The following OXCT1 variants were observed in gnomAD, a reference collection of about 807,000 sequenced individuals.
OXCT1 encodes 3-oxoacid CoA-transferase 1.
OXCT1 carries 27 observed loss-of-function variants against 69.6 expected under a neutral mutation model. The observed-to-expected ratio is 0.39, with a 90% CI of 0.29 to 0.54. OXCT1 has a LOEUF of 0.54. OXCT1 is among the 20% of genes least tolerant of loss of function. The pLI is 0.72. For missense variants in OXCT1, 437 were observed against 650.2 expected (o/e 0.67, Z 3.57); for synonymous variants, 202 against 217.8 (o/e 0.93, Z 0.64).
chr5:41,870,241 T>G lies in OXCT1; in HGVS notation c.78+40A>C. On this transcript the variant is annotated intron_variant, in intron 1 of 16. Transcript: ENST00000196371. The surrounding 1 kb of genome is among the most constrained non-coding windows in gnomAD (Gnocchi z 4.2). Reference sequence around the variant, plus strand: ...GGCACCACTCAGGGTTTGGTCCACGTTCTTCCTGCCCATGGCCTTCCTCTT... The same window carrying G: ...GGCACCACTCAGGGTTTGGTCCACGGTCTTCCTGCCCATGGCCTTCCTCTT... 6 of 1,524,684 alleles carry G rather than the reference T, an allele frequency of 3.9e-6. No individual in the cohort carries two copies. Among genetic ancestry groups the G allele is most frequent in the Non-Finnish European group, 4.5e-6 (5 of 1,098,916 alleles). 94.4% of individuals were successfully genotyped at this position (1,524,684 alleles called of 1,614,324 possible).
chr5:41,795,693 T>C (rs1746146093), intron 11 of OXCT1, among the ~76,000 whole-genome samples: 1 of 152,120 alleles, frequency 6.6e-6, no homozygotes. Context: ...TACTGTATAA[T>C]TGAAATTTGC....
chr5:41,867,494 T>G (rs530303354), intron 1 of OXCT1, among the ~76,000 whole-genome samples: 3 of 152,262 alleles, frequency 2.0e-5, no homozygotes, highest in South Asian at 2.1e-4. Flanking sequence ...TGAGGAACAT[T>G]TCAGAAAGAG....
At chr5:41,840,430 A>G (rs749445295) in intron 7 of OXCT1, 21 bp downstream of exon 7, 1 of 1,572,280 alleles carries the variant, frequency 6.4e-7, no homozygotes, top group Non-Finnish European at 8.8e-7. Flanking sequence ...TAACACCAAG[A>G]ATTCAAAAAT....
chr5:41,843,915 T>C (rs1393127615), intron 5 of OXCT1, among the ~76,000 whole-genome samples: 1 of 152,224 alleles, frequency 6.6e-6, no homozygotes, highest in Non-Finnish European at 1.5e-5. Flanking sequence ...CTAAGATAAA[T>C]TATATGAAAG....
At chr5:41,849,959 C>A in intron 5 of OXCT1, 71 bp downstream of exon 5, 2 of 1,469,118 alleles carry the variant, frequency 1.4e-6, no homozygotes, top group Admixed American at 3.3e-5. Context: ...TACTTATTTG[C>A]CCAATGATCC....
chr5:41,743,331 A>C, intron 15 of OXCT1, among the ~76,000 whole-genome samples: 1 of 151,626 alleles, frequency 6.6e-6, no homozygotes, highest in East Asian at 1.9e-4. Context: ...GGGTTGTTTG[A>C]TTTTTTCTTG....
intron 7 of OXCT1, among the ~76,000 whole-genome samples, chr5:41,825,478 G>T (rs764973884): frequency 2.6e-5 from 4 of 152,066 alleles, no homozygotes; most frequent in Non-Finnish European, 4.4e-5. Context: ...AAAACAAAAA[G>T]ATATTTTCAT....
chr5:41,756,541 T>C (rs549248152), intron 14 of OXCT1, among the ~76,000 whole-genome samples: 1 of 152,204 alleles, frequency 6.6e-6, no homozygotes, highest in African/African-American at 2.4e-5. Context: ...GACAGAAGCA[T>C]GTAACAACTT....
chr5:41,845,793 C>T (rs1201984293), intron 5 of OXCT1, among the ~76,000 whole-genome samples: 1 of 152,092 alleles, frequency 6.6e-6, no homozygotes. Context: ...GATACTACTA[C>T]AGTTCATTTT....
At chr5:41,802,642 T>C (rs749426926) in intron 10 of OXCT1, among the ~76,000 whole-genome samples, 26 of 152,032 alleles carry the variant, frequency 1.7e-4, no homozygotes, top group Non-Finnish European at 3.2e-4. Context: ...AACATAGAAC[T>C]ATTGACAACC....
At chr5:41,791,840 C>A (rs533605895) in intron 13 of OXCT1, among the ~76,000 whole-genome samples, 1 of 151,994 alleles carries the variant, frequency 6.6e-6, no homozygotes, top group Admixed American at 6.5e-5. Context: ...CTCGCTCTTT[C>A]GCCCACAGGC....
intron 7 of OXCT1, among the ~76,000 whole-genome samples, chr5:41,822,431 T>A (rs1305029596): frequency 1.3e-5 from 2 of 152,202 alleles, no homozygotes; most frequent in African/African-American, 2.4e-5. Context: ...ATAATTTTCC[T>A]TGCTCTGAAG....
intron 7 of OXCT1, among the ~76,000 whole-genome samples, chr5:41,807,867 G>A (rs1218360034): frequency 6.6e-6 from 1 of 151,916 alleles, no homozygotes. Flanking sequence ...ACATCTGCTT[G>A]GTCAATTGAA....
chr5:41,760,190 C>T (rs1490930048), intron 14 of OXCT1, among the ~76,000 whole-genome samples: 1 of 152,046 alleles, frequency 6.6e-6, no homozygotes, highest in Non-Finnish European at 1.5e-5. Flanking sequence ...GCTACATATT[C>T]GAGAGCCACA....
At chr5:41,869,912 C>T in intron 1 of OXCT1, 1 of 348,998 alleles carries the variant, frequency 2.9e-6, no homozygotes, top group South Asian at 2.5e-5. Context: ...TACTGGCGCC[C>T]TCCTCCCCCC....
Position 41,734,315 on chromosome 5 carries a change from TAAG to T in OXCT1, c.1522-2548_1522-2546del, listed in dbSNP as rs1225853889. Among the ~76,000 whole-genome samples, 7 of 152,138 alleles carry T rather than the reference TAAG, an allele frequency of 4.6e-5. 1 individual carries two copies. The highest frequency in any genetic ancestry group is 4.1e-4 in the South Asian group (2 of 4,832). On this transcript the variant is annotated intron_variant, in intron 16 of 16. Transcript: ENST00000196371. Reference sequence around the variant, plus strand: ...GGAATACATTTTTAATTTTTTAAGTTAAGAAGATAAAATCAAAGAAATATTGTT... The same window carrying T: ...GGAATACATTTTTAATTTTTTAAGTTAAGATAAAATCAAAGAAATATTGTT...
rs1194660038 is a variant in OXCT1 at position 41,850,119 on chromosome 5, T to C, written c.475A>G (p.Thr159Ala). The C allele has an allele frequency of 6.2e-7, 1 of 1,613,922 alleles. No individual in the cohort carries two copies. Among genetic ancestry groups the C allele is most frequent in the Admixed American group, 1.7e-5 (1 of 59,980 alleles). ...GAGVPAFYTP[T>A]GYGTLVQEGG... ...TCTTGTACCAGGGTCCCATACCCTG[T>C]TGGGGTGTAAAATGCAGGAACTCCA... The change falls in exon 5 of 17, where the codon ACA becomes GCA. Residue 159 changes from threonine to alanine, a missense_variant. Transcript: ENST00000196371.
At chr5:41,850,441 A>G (rs1195596484) in intron 4 of OXCT1, among the ~76,000 whole-genome samples, 5 of 152,152 alleles carry the variant, frequency 3.3e-5, no homozygotes, top group Non-Finnish European at 5.9e-5. Context: ...ATACCTCTCA[A>G]TGATCTCTTG....
intron 7 of OXCT1, among the ~76,000 whole-genome samples, chr5:41,815,837 G>A (rs1006593037): frequency 2.0e-5 from 3 of 152,132 alleles, no homozygotes; most frequent in Non-Finnish European, 4.4e-5. Context: ...GAAAAAGTTC[G>A]TGTTGGGTTT....
Sources: allele counts gnomAD v4.1 joint callset (sites outside exome capture counted in the v4.1 genomes callset), GRCh38; gene constraint gnomAD v4.1.1; non-coding constraint Gnocchi (gnomAD v3.1); transcripts MANE v1.5; gene names NCBI Gene and HGNC (gene_info 2026-07-23, HGNC 2026-07-21).